Variants in SESN3 observed in about 807,000 individuals in gnomAD.
SESN3 encodes the protein sestrin 3, also known as sestrin-3.
In SESN3, 21 loss-of-function variants were observed where a neutral mutation model predicts 55.3. The observed-to-expected ratio is 0.38, with a 90% CI of 0.27 to 0.55. The LOEUF (loss-of-function observed/expected upper bound fraction) is 0.55. Among genes scored for constraint, SESN3 ranks in the 20% least tolerant of loss-of-function variants. The pLI is 0.76. For synonymous variants in SESN3, 181 were observed against 203.1 expected (o/e 0.89, Z 0.93); for missense variants, 408 against 604.3 (o/e 0.68, Z 3.41).
At chr11:95,196,689 C>T (rs1860366852) in intron 1 of SESN3, among the ~76,000 whole-genome samples, 1 of 152,094 alleles carries the variant, frequency 6.6e-6, no homozygotes, top group Non-Finnish European at 1.5e-5. Flanking sequence ...GTTTCTTAGC[C>T]ACATTAACCA....
chr11:95,229,479 T>C (rs1861010491), intron 1 of SESN3, among the ~76,000 whole-genome samples: 1 of 151,998 alleles, frequency 6.6e-6, no homozygotes, highest in African/African-American at 2.4e-5. Context: ...ACCTCAAATC[T>C]GCAATCCCTT....
rs1565479384 is a variant in SESN3, at chr11:95,230,941, C to A, written c.-81G>T. ...TGCGGCCACTGCAGGGCCGGTCCGTCCCCCCGCCGCCAGCCGCGATTCCGC... is the reference window on the plus strand; with the variant it reads ...TGCGGCCACTGCAGGGCCGGTCCGTACCCCCGCCGCCAGCCGCGATTCCGC... On this transcript the variant is annotated 5_prime_UTR_variant, in exon 1 of 10. Coordinates refer to ENST00000536441, the MANE Select transcript of SESN3 (RefSeq NM_144665.4). This position sits in a 1 kb window ranked among gnomAD's most constrained non-coding sequence, Gnocchi z 4.6. 3.4e-6 allele frequency: 3 copies of A among 886,476 alleles called. No homozygotes were observed. Among genetic ancestry groups the A allele is most frequent in the Non-Finnish European group, 4.7e-6 (3 of 638,768 alleles). The allele number at this position is 886,476 out of a possible 1,614,324, so 54.9% of individuals were successfully genotyped here.
At chr11:95,193,128 A>T (rs191913523) in intron 2 of SESN3, among the ~76,000 whole-genome samples, 4 of 152,150 alleles carry the variant, frequency 2.6e-5, no homozygotes, top group Admixed American at 2.6e-4. Flanking sequence ...AGCTATTGTC[A>T]CTGAGCTCCC....
intron 6 of SESN3, 124 bp from the exon 7 acceptor site, chr11:95,178,952 C>A (rs1860010610): frequency 7.0e-6 from 4 of 574,920 alleles, no homozygotes; most frequent in Non-Finnish European, 1.2e-5. Context: ...AACATGGACT[C>A]CGTGACTTTA....
chr11:95,167,754 A>G lies in SESN3; in HGVS notation c.*5501T>C, dbSNP rs1859777596. 1 of 152,200 alleles carries G rather than the reference A, an allele frequency of 6.6e-6. No homozygotes were observed. Among genetic ancestry groups the G allele is most frequent in the Non-Finnish European group, 1.5e-5 (1 of 68,030 alleles). The allele number at this position is 152,200 out of a possible 1,614,324, so 9.4% of individuals were successfully genotyped here. A position where few individuals can be genotyped will look rare whatever the true frequency, so the allele number is the denominator to read the frequency against. On this transcript the variant is annotated 3_prime_UTR_variant, in exon 10 of 10. Transcript: ENST00000536441. ...ATACTTTCAAATGGGATGGTTCATC[A>G]GGTCAGACAACTGTGTGCAGTGTCC...
chr11:95,184,815 A>G (rs1043285127), intron 5 of SESN3, among the ~76,000 whole-genome samples: 5 of 151,948 alleles, frequency 3.3e-5, no homozygotes, highest in Non-Finnish European at 5.9e-5. Flanking sequence ...TTATAAGTAT[A>G]TATGTGTGTG....
rs530333164 is a variant in SESN3 at position 95,230,717 on chromosome 11, G to T, written c.78+66C>A. The T allele has an allele frequency of 7.1e-6, 9 of 1,271,576 alleles. No homozygotes were observed. The highest frequency in any genetic ancestry group is 1.0e-5 in the Non-Finnish European group (9 of 894,750). The allele number at this position is 1,271,576 out of a possible 1,614,324, so 78.8% of individuals were successfully genotyped here. ...CCTCCCCCAGTGCGCGCCCGGGGACGAGCCGCCCGAGCCCCGGCCGGCAGG... is the reference window on the plus strand; with the variant it reads ...CCTCCCCCAGTGCGCGCCCGGGGACTAGCCGCCCGAGCCCCGGCCGGCAGG... On this transcript the variant is annotated intron_variant, in intron 1 of 9. Coordinates refer to ENST00000536441, the MANE Select transcript of SESN3 (RefSeq NM_144665.4). The surrounding 1 kb of genome is among the most constrained non-coding windows in gnomAD (Gnocchi z 4.6).
Position 95,223,519 on chromosome 11 carries a change from T to C in SESN3, c.78+7264A>G. ...ACTTTGTTTTTTTCCCTCCCTGGTT[T>C]ATATCAGAAAAAAGATGCTCATGAA... On this transcript the variant is annotated intron_variant, in intron 1 of 9. Coordinates refer to ENST00000536441, the MANE Select transcript of SESN3 (RefSeq NM_144665.4). 1.3e-5 allele frequency among the ~76,000 whole-genome samples: 2 copies of C among 152,176 alleles called. 1 individual carries two copies. Among genetic ancestry groups the C allele is most frequent in the East Asian group, 3.8e-4 (2 of 5,204 alleles).
At chr11:95,207,479 C>T (rs551909438) in intron 1 of SESN3, among the ~76,000 whole-genome samples, 9 of 151,506 alleles carry the variant, frequency 5.9e-5, no homozygotes, top group South Asian at 2.1e-4. Context: ...AGAGACATTC[C>T]GTGGGGCCTT....
At chr11:95,208,073 A>G (rs960105696) in intron 1 of SESN3, among the ~76,000 whole-genome samples, 2 of 151,434 alleles carry the variant, frequency 1.3e-5, no homozygotes, top group Non-Finnish European at 3.0e-5. Context: ...ATGGTATTCA[A>G]TGATTTTCTT....
At chr11:95,226,760 A>G (rs1860955102) in intron 1 of SESN3, among the ~76,000 whole-genome samples, 2 of 152,350 alleles carry the variant, frequency 1.3e-5, no homozygotes, top group African/African-American at 2.4e-5. Context: ...GTAATGAAAG[A>G]TAATGGTGTT....
intron 1 of SESN3, among the ~76,000 whole-genome samples, chr11:95,221,101 G>A (rs1186636830): frequency 2.0e-5 from 3 of 152,050 alleles, no homozygotes; most frequent in African/African-American, 7.3e-5. Context: ...TCAGGAGTTC[G>A]AAGCCAGCGT....
chr11:95,197,565 C>T (rs1860385913), intron 1 of SESN3, among the ~76,000 whole-genome samples: 1 of 152,004 alleles, frequency 6.6e-6, no homozygotes, highest in African/African-American at 2.4e-5. Context: ...CTGCCTCAGC[C>T]TCCCGAGTTG....
upstream of SESN3, chr11:95,231,381 G>A (rs905053629): frequency 1.9e-5 from 7 of 375,000 alleles, no homozygotes; most frequent in Non-Finnish European, 2.4e-5. Context: ...TTGAATCTCC[G>A]GGCAAGTTAA....
At chr11:95,227,488 G>A (rs1368873734) in intron 1 of SESN3, among the ~76,000 whole-genome samples, 1 of 152,116 alleles carries the variant, frequency 6.6e-6, no homozygotes, top group Admixed American at 6.6e-5. Flanking sequence ...ACAGGCGTAA[G>A]CCACCATGCC....
At chr11:95,232,181 G>C (rs533709142), upstream of SESN3, 1 of 152,396 alleles carries the variant, frequency 6.6e-6, no homozygotes, top group East Asian at 1.9e-4. Flanking sequence ...AAAATGGTAA[G>C]TCAGGGTTTT....
At chr11:95,196,505 TATA>T (rs2134239975) in intron 1 of SESN3, among the ~76,000 whole-genome samples, 1 of 152,218 alleles carries the variant, frequency 6.6e-6, no homozygotes, top group South Asian at 2.1e-4. Context: ...CTGGTCAAAT[TATA>T]ATGCCTTTCC....
At chr11:95,220,320 A>G (rs1017886651) in intron 1 of SESN3, among the ~76,000 whole-genome samples, 1 of 152,218 alleles carries the variant, frequency 6.6e-6, no homozygotes, top group Non-Finnish European at 1.5e-5. Flanking sequence ...ACACATACTT[A>G]AAATGTTTCC....
chr11:95,227,184 T>G (rs1430156523), intron 1 of SESN3, among the ~76,000 whole-genome samples: 6 of 144,972 alleles, frequency 4.1e-5, no homozygotes, highest in Non-Finnish European at 9.3e-5. Context: ...GTATTTTTCT[T>G]TTTTTTTTTT....
Sources: allele counts gnomAD v4.1 joint callset (sites outside exome capture counted in the v4.1 genomes callset), GRCh38; gene constraint gnomAD v4.1.1; non-coding constraint Gnocchi (gnomAD v3.1); transcripts MANE v1.5; gene names NCBI Gene and HGNC (gene_info 2026-07-23, HGNC 2026-07-21).